PCCB: variants seen among roughly 807,000 people sequenced by gnomAD.
PCCB encodes propionyl-CoA carboxylase beta chain, mitochondrial.
Under a neutral mutation model 60.7 loss-of-function variants are expected in PCCB, and 43 were observed. The ratio of observed to expected loss-of-function variants is 0.71; its 90% CI spans 0.55 to 0.91. PCCB has a LOEUF of 0.91. Among genes scored for constraint, PCCB ranks in the 40% least tolerant of loss-of-function variants. PCCB has a pLI of 0.00. For synonymous variants in PCCB, 276 were observed against 255.9 expected (o/e 1.08, Z -0.75); for missense variants, 766 against 702.8 (o/e 1.09, Z -1.02).
intron 6 of PCCB, among the ~76,000 whole-genome samples, chr3:136,293,390 G>A (rs529601372): frequency 6.6e-6 from 1 of 152,258 alleles, no homozygotes; most frequent in African/African-American, 2.4e-5. Context: ...GTAAATGAGG[G>A]TGATAATAGT....
chr3:136,305,928 T>C (rs1018985482), intron 9 of PCCB, among the ~76,000 whole-genome samples: 1 of 119,406 alleles, frequency 8.4e-6, no homozygotes, highest in African/African-American at 2.5e-5. Context: ...GAAGGGAAAA[T>C]GAAGCAAGGG....
intron 13 of PCCB, among the ~76,000 whole-genome samples, chr3:136,328,129 C>A (rs1297726945): frequency 6.6e-6 from 1 of 152,192 alleles, no homozygotes; most frequent in East Asian, 1.9e-4. Context: ...CTCTTTTAAG[C>A]TCATAAGAAG....
chr3:136,329,535 A>T lies in PCCB; in HGVS notation c.1499-370A>T, dbSNP rs191682525. Among the ~76,000 whole-genome samples, 486 of 152,348 alleles carry T rather than the reference A, an allele frequency of 3.2e-3. 1 individual carries two copies. Among genetic ancestry groups the T allele is most frequent in the Non-Finnish European group, 5.6e-3 (383 of 68,022 alleles). ...TCCACCTCTTGAAGAGAGAAGTGGT[A>T]AAGTCACATTGCAGGACTTGTGTAC... On this transcript the variant is annotated intron_variant, in intron 14 of 14. Coordinates refer to ENST00000251654, the MANE Select transcript of PCCB (RefSeq NM_000532.5).
Position 136,303,721 on chromosome 3 carries a change from A to G in PCCB, c.966+2610A>G, listed in dbSNP as rs1295305684. ...TGGGTTCAACCAATTCTCCTGCATC[A>G]GACTCCCAAGTAGCTGGGATTACAG... On this transcript the variant is annotated intron_variant, in intron 9 of 14. Transcript: ENST00000251654. Among the ~76,000 whole-genome samples, 7 of 121,796 alleles carry G rather than the reference A, an allele frequency of 5.7e-5. 2 individuals are homozygous for G. Among genetic ancestry groups the G allele is most frequent in the African/African-American group, 1.7e-4 (7 of 40,020 alleles). 79.9% of individuals were successfully genotyped at this position (121,796 alleles called of 152,430 possible). A position where few individuals can be genotyped will look rare whatever the true frequency, so the allele number is the denominator to read the frequency against.
In PCCB at chr3:136,280,309, A is replaced by T. The variant is rs1942443166; in HGVS notation, c.544-3528A>T. ...CTTTCTTGAAGGATAGTTTTGCTGG[A>T]TATAAAGTTATTGGTTGACCAGTTA... On this transcript the variant is annotated intron_variant, in intron 5 of 14. Transcript: ENST00000251654. Among the ~76,000 whole-genome samples, 3 of 152,146 alleles carry T rather than the reference A, an allele frequency of 2.0e-5. No individual in the cohort carries two copies. The South Asian group carries it at 6.2e-4, about 32-fold the overall frequency.
intron 1 of PCCB, 61 bp downstream of exon 1, chr3:136,250,619 C>T (rs543941015): frequency 1.9e-5 from 29 of 1,514,800 alleles, no homozygotes; most frequent in African/African-American, 9.6e-5. Flanking sequence ...TCACTGCGTG[C>T]CCGGCTTGCG....
chr3:136,312,353 C>A (rs1345568996), intron 9 of PCCB, among the ~76,000 whole-genome samples: 1 of 152,106 alleles, frequency 6.6e-6, no homozygotes. Flanking sequence ...AGTTGTAACA[C>A]AATGGTAAGT....
At chr3:136,274,051 A>G (rs1370061149) in intron 5 of PCCB, among the ~76,000 whole-genome samples, 1 of 151,708 alleles carries the variant, frequency 6.6e-6, no homozygotes, top group Non-Finnish European at 1.5e-5. Flanking sequence ...TGAAGACAGC[A>G]GATATTTGGT....
intron 12 of PCCB, 83 bp downstream of exon 12, chr3:136,327,338 A>G: frequency 9.9e-7 from 1 of 1,009,262 alleles, no homozygotes; most frequent in Non-Finnish European, 1.6e-6. Context: ...GAGTTTTACC[A>G]GGGCTGGAAG....
intron 1 of PCCB, among the ~76,000 whole-genome samples, chr3:136,251,716 C>T (rs954738083): frequency 2.6e-5 from 4 of 152,126 alleles, no homozygotes; most frequent in African/African-American, 9.7e-5. Context: ...CTCCTGTACA[C>T]TCTTTCTGTT....
chr3:136,319,156 C>T (rs1935019034), intron 10 of PCCB, among the ~76,000 whole-genome samples: 1 of 152,160 alleles, frequency 6.6e-6, no homozygotes, highest in South Asian at 2.1e-4. Context: ...TTCTCATCAA[C>T]ATTAGTCTTG....
At chr3:136,299,558 A>G (rs1236916633) in intron 8 of PCCB, among the ~76,000 whole-genome samples, 4 of 103,910 alleles carry the variant, frequency 3.8e-5, no homozygotes, top group South Asian at 3.0e-4. Context: ...ATGCATGTGT[A>G]TGTATGTATA....
rs980908681 is a variant in PCCB at position 136,293,609 on chromosome 3, T to C, written c.655-147T>C. 7.0e-6 allele frequency: 5 copies of C among 718,658 alleles called. No individual in the cohort carries two copies. In the African/African-American group the frequency reaches 8.7e-5, roughly 12 times the overall value. The allele number at this position is 718,658 out of a possible 1,614,324, so 44.5% of individuals were successfully genotyped here. On this transcript the variant is annotated intron_variant, in intron 6 of 14. Coordinates refer to ENST00000251654, the MANE Select transcript of PCCB (RefSeq NM_000532.5). ...GGCAGGGAAAACTTGGGTCTTTAGT[T>C]TGGAGTCGTATCTTTAAGCTACATC... is the stretch of plus-strand genomic sequence containing the variant.
intron 10 of PCCB, among the ~76,000 whole-genome samples, chr3:136,322,050 G>A (rs981979353): frequency 6.6e-6 from 1 of 152,194 alleles, no homozygotes; most frequent in African/African-American, 2.4e-5. Context: ...TTTGGTCTTA[G>A]CAGGAAAACT....
In PCCB at chr3:136,250,573, G is replaced by A. The variant is rs901718142; in HGVS notation, c.183+15G>A. 1 of 1,601,510 alleles carries A rather than the reference G, an allele frequency of 6.2e-7. No individual in the cohort carries two copies. Among genetic ancestry groups the A allele is most frequent in the South Asian group, 1.1e-5 (1 of 90,232 alleles). On this transcript the variant is annotated intron_variant, in intron 1 of 14. Coordinates refer to ENST00000251654, the MANE Select transcript of PCCB (RefSeq NM_000532.5). ...AGCACAAGCGAGTGAGTCCTGAGGG[G>A]CCTAAGTGAGTCCCGCCCCTGGCGT...
At chr3:136,326,739 C>A in intron 10 of PCCB, 64 bp from the exon 11 acceptor site, 1 of 1,117,962 alleles carries the variant, frequency 8.9e-7, no homozygotes, top group South Asian at 1.2e-5. Context: ...GAGGACAAAT[C>A]CCCATTGTGG....
At position 136,310,515 on chromosome 3, in the gene PCCB, C is replaced by G. The variant is rs142196947; in HGVS notation, c.967-6426C>G. Among the ~76,000 whole-genome samples, 258 of 152,346 alleles carry G rather than the reference C, an allele frequency of 1.7e-3. 1 individual carries two copies. The highest frequency in any genetic ancestry group is 5.8e-3 in the African/African-American group (243 of 41,580). On this transcript the variant is annotated intron_variant, in intron 9 of 14. Coordinates refer to ENST00000251654, the MANE Select transcript of PCCB (RefSeq NM_000532.5). ...CTACCCTGGGTGACAGAGCAAGACT[C>G]TGTCTCAAACAAACAAACACCAGGC...
Position 136,329,922 on chromosome 3 carries a change from A to G in PCCB, c.1516A>G (p.Ile506Val). The G allele has an allele frequency of 6.2e-7, 1 of 1,614,176 alleles. No individual in the cohort carries two copies. Among genetic ancestry groups the G allele is most frequent in the Non-Finnish European group, 8.5e-7 (1 of 1,179,996 alleles). ...TTCACCAGGGTTTGTGGATGACATC[A>G]TCCAACCTTCTTCCACACGTGCCCG... ...AAVRGFVDDIIQPSSTRARIC... is the reference protein window; with the variant it reads ...AAVRGFVDDIVQPSSTRARIC... The change falls in exon 15 of 15, where the codon ATC becomes GTC. Residue 506 changes from isoleucine to valine, a missense_variant. Ile to Val is a conservative substitution (Grantham distance 29). Coordinates refer to ENST00000251654, the MANE Select transcript of PCCB (RefSeq NM_000532.5).
intron 9 of PCCB, among the ~76,000 whole-genome samples, chr3:136,313,639 A>G (rs1934758583): frequency 6.6e-6 from 1 of 152,250 alleles, no homozygotes; most frequent in Non-Finnish European, 1.5e-5. Flanking sequence ...AGTATTTTAC[A>G]TATTAAAAAA....
Sources: allele counts gnomAD v4.1 joint callset (sites outside exome capture counted in the v4.1 genomes callset), GRCh38; gene constraint gnomAD v4.1.1; transcripts MANE v1.5; gene names NCBI Gene and HGNC (gene_info 2026-07-23, HGNC 2026-07-21).